The following UTRN variants were observed in gnomAD, a reference collection of about 807,000 sequenced individuals.
UTRN encodes the protein dystrophin-related protein 1.
UTRN carries 283 observed loss-of-function variants against 463.9 expected under a neutral mutation model. The ratio of observed to expected loss-of-function variants is 0.61; its 90% confidence interval spans 0.55 to 0.67. The LOEUF (loss-of-function observed/expected upper bound fraction) is 0.67. Ranked by LOEUF, UTRN falls within the 30% of genes least tolerant of loss-of-function variation. The probability of loss-of-function intolerance (pLI) is 0.00; values close to 1 mark genes in which losing one functional copy is unlikely to be tolerated. For missense variants in UTRN, 3,922 were observed against 4,084.3 expected (o/e 0.96, Z 1.08); for synonymous variants, 1,442 against 1,431.5 (o/e 1.01, Z -0.17).
chr6:144,782,227 A>G, intron 61 of UTRN, 104 bp downstream of exon 61: 1 of 965,808 alleles, frequency 1.0e-6, no homozygotes. Context: ...CTTTCAAATT[A>G]CTTTCCCAGT....
At chr6:144,344,357 G>A (rs546654768) in intron 2 of UTRN, 15 of 1,302,970 alleles carry the variant, frequency 1.2e-5, no homozygotes, top group South Asian at 4.9e-5. Context: ...CTTAAGAAAC[G>A]TCTATGAAGA....
At chr6:144,810,439 A>G (rs1313027535) in intron 65 of UTRN, among the ~76,000 whole-genome samples, 2 of 152,192 alleles carry the variant, frequency 1.3e-5, no homozygotes, top group African/African-American at 4.8e-5. Flanking sequence ...TGAAATACTA[A>G]TTATGAACAA....
chr6:144,468,035 T>C (rs1385736205), intron 23 of UTRN, among the ~76,000 whole-genome samples: 2 of 152,136 alleles, frequency 1.3e-5, no homozygotes, highest in Admixed American at 6.5e-5. Context: ...ATTTTTTTTT[T>C]TTTCTGGTCT....
chr6:144,350,027 C>T (rs74464845), intron 2 of UTRN, among the ~76,000 whole-genome samples: 2,498 of 152,206 alleles, frequency 0.016, 18 homozygotes, highest in Non-Finnish European at 0.019. Flanking sequence ...TACCATTGTG[C>T]TAAAGTGAAA....
rs1039352639 is a variant in UTRN at position 144,522,255 on chromosome 6, G to A, written c.5733+84G>A. On this transcript the variant is annotated intron_variant, in intron 40 of 74. Transcript: ENST00000367545. ...ATTTGTTCTTGTGCCTACTTAGATG[G>A]TCTATATCTTTTACAATTTGTGCCA... is the stretch of plus-strand genomic sequence containing the variant. 6 of 1,118,586 alleles carry A rather than the reference G, an allele frequency of 5.4e-6. No individual in the cohort carries two copies. In the East Asian group the frequency reaches 1.4e-4, roughly 27 times the overall value. The allele number at this position is 1,118,586 out of a possible 1,614,324, so 69.3% of individuals were successfully genotyped here.
At chr6:144,539,219 AG>A in intron 44 of UTRN, 74 bp from the exon 45 acceptor site, 4 of 1,396,998 alleles carry the variant, frequency 2.9e-6, no homozygotes, top group Non-Finnish European at 2.9e-6. Context: ...AATACCAAAA[AG>A]GTTTCTAATA....
At chr6:144,407,686 A>C (rs1398261159) in intron 3 of UTRN, among the ~76,000 whole-genome samples, 3 of 152,238 alleles carry the variant, frequency 2.0e-5, no homozygotes, top group Admixed American at 2.0e-4. Context: ...GAACTTGAGA[A>C]TAATATCAGT....
At chr6:144,806,497 A>G (rs186809053) in intron 65 of UTRN, among the ~76,000 whole-genome samples, 235 of 152,306 alleles carry the variant, frequency 1.5e-3, no homozygotes, top group African/African-American at 5.2e-3. Flanking sequence ...AACTAGAAAT[A>G]TATGTAAATT....
chr6:144,748,435 C>A lies in UTRN; in HGVS notation c.8129C>A (p.Ala2710Glu), dbSNP rs1286655470. Reference protein sequence around the residue: ...MDDLDADMKEAESVRNGWKPV... With the variant: ...MDDLDADMKEEESVRNGWKPV... Reference sequence around the variant, plus strand: ...GACCTGGACGCTGACATGAAGGAGGCAGAGTCCGTGCGGAATGGCTGGAAG... The same window carrying A: ...GACCTGGACGCTGACATGAAGGAGGAAGAGTCCGTGCGGAATGGCTGGAAG... The change falls in exon 55 of 75, where the codon GCA (alanine) becomes GAA (glutamate). Residue 2710 changes from alanine (A) to glutamate (E), a missense_variant. Ala to Glu is a moderately radical substitution (Grantham distance 107). This residue lies in a region of UTRN where 1,309 missense variants were observed against 1,452.6 expected (regional missense o/e 0.90). Coordinates refer to ENST00000367545, the MANE Select transcript of UTRN (RefSeq NM_007124.3). 6.2e-7 allele frequency: 1 copy of A among 1,613,842 alleles called. No homozygotes were observed. The highest frequency in any genetic ancestry group is 2.2e-5 in the East Asian group (1 of 44,826).
intron 52 of UTRN, among the ~76,000 whole-genome samples, chr6:144,696,672 T>C (rs1365364082): frequency 6.6e-6 from 1 of 152,194 alleles, no homozygotes; most frequent in Non-Finnish European, 1.5e-5. Flanking sequence ...CCAAAATATA[T>C]ATATATACTT....
intron 53 of UTRN, among the ~76,000 whole-genome samples, chr6:144,722,058 G>A (rs1336059303): frequency 6.6e-6 from 1 of 152,186 alleles, no homozygotes; most frequent in African/African-American, 2.4e-5. Flanking sequence ...GAGCCAGCAA[G>A]TAGCCAGATA....
At position 144,539,274 on chromosome 6, in the gene UTRN, C is replaced by A; in HGVS notation, c.6370-20C>A. 1 of 1,587,146 alleles carries A rather than the reference C, an allele frequency of 6.3e-7. No individual in the cohort carries two copies. The highest frequency in any genetic ancestry group is 8.6e-7 in the Non-Finnish European group (1 of 1,166,526). ...TTATCTGACTACCTTCTAACCACAC[C>A]TATCTTTTAACTTCTCCAGGACTTA... On this transcript the variant is annotated intron_variant, in intron 44 of 74. Coordinates refer to ENST00000367545, the MANE Select transcript of UTRN (RefSeq NM_007124.3).
chr6:144,777,868 G>A (rs546462993), intron 60 of UTRN, among the ~76,000 whole-genome samples: 2 of 152,018 alleles, frequency 1.3e-5, no homozygotes, highest in Admixed American at 6.5e-5. Context: ...GGAACATTAA[G>A]TTATAGAGTC....
intron 2 of UTRN, among the ~76,000 whole-genome samples, chr6:144,317,812 A>G (rs1429903499): frequency 6.6e-6 from 1 of 152,224 alleles, no homozygotes; most frequent in Non-Finnish European, 1.5e-5. Flanking sequence ...CCTGTCAAGG[A>G]ACCCTTTGAT....
chr6:144,654,814 A>G (rs1375951245), intron 51 of UTRN, among the ~76,000 whole-genome samples: 1 of 152,198 alleles, frequency 6.6e-6, no homozygotes, highest in Admixed American at 6.5e-5. Context: ...TGCCGTCTGA[A>G]TTGTTAAATA....
intron 17 of UTRN, 78 bp downstream of exon 17, chr6:144,448,847 A>C (rs1388754084): frequency 6.8e-6 from 10 of 1,462,788 alleles, no homozygotes; most frequent in Non-Finnish European, 8.3e-6. Flanking sequence ...TTTTGTACTA[A>C]TCATTAATCA....
intron 42 of UTRN, among the ~76,000 whole-genome samples, chr6:144,532,822 A>G (rs887159553): frequency 6.6e-6 from 1 of 152,200 alleles, no homozygotes; most frequent in Admixed American, 6.5e-5. Flanking sequence ...TATTCATTTT[A>G]GTTATTAAGC....
intron 47 of UTRN, among the ~76,000 whole-genome samples, chr6:144,549,106 G>C (rs191334363): frequency 1.3e-5 from 2 of 152,156 alleles, no homozygotes; most frequent in Non-Finnish European, 2.9e-5. Context: ...AACTGATACC[G>C]TAAAGCTAGG....
rs533486085 is a variant in UTRN at position 144,470,158 on chromosome 6, C to T, written c.3067-3562C>T. The stretch of plus-strand genomic sequence containing the variant: ...TCCTTCTTTTCCCCACACTTCCCCC[C>T]CTTCTATTCCACAAAACTGCCATCG... On this transcript the variant is annotated intron_variant, in intron 23 of 74. Coordinates refer to ENST00000367545, the MANE Select transcript of UTRN (RefSeq NM_007124.3). 6.6e-5 allele frequency among the ~76,000 whole-genome samples: 10 copies of T among 152,378 alleles called. 1 individual carries two copies. The South Asian group carries it at 8.3e-4, about 13-fold the overall frequency.
Sources: gnomAD v4.1 joint callset for allele counts (sites outside exome capture counted in the v4.1 genomes callset) on GRCh38, gnomAD v4.1.1 for gene constraint, gnomAD v4.1.1 regional missense constraint, MANE v1.5 for transcripts, NCBI Gene and HGNC (gene_info 2026-07-23, HGNC 2026-07-21) for gene names.